Variants in STPG2 observed in about 807,000 individuals in gnomAD.
STPG2 encodes sperm tail PG-rich repeat containing 2.
In STPG2, 56 loss-of-function variants were observed where a neutral mutation model predicts 54.2. That is an observed-to-expected ratio of 1.03 (90% confidence interval 0.83 to 1.29). The LOEUF (loss-of-function observed/expected upper bound fraction) is 1.29. STPG2 is among the 50% of genes most tolerant of loss of function. STPG2 has a pLI of 0.00. For missense variants in STPG2, 596 were observed against 544.9 expected, an observed-to-expected ratio of 1.09 and a Z score of -0.93; for synonymous variants, 200 against 181.8, an observed-to-expected ratio of 1.10 and a Z score of -0.81.
intron 8 of STPG2, among the ~76,000 whole-genome samples, chr4:97,856,563 G>C (rs1729344707): frequency 6.6e-6 from 1 of 152,190 alleles, no homozygotes; most frequent in African/African-American, 2.4e-5. Flanking sequence ...CTTTTGGTCT[G>C]AGACAGTGAG....
intron 4 of STPG2, among the ~76,000 whole-genome samples, chr4:97,543,558 C>A (rs57276078): frequency 0.11 from 16,201 of 152,048 alleles, 2,570 homozygotes; most frequent in African/African-American, 0.35. Context: ...AAACAAGCTT[C>A]TATTTTGCCA....
Position 97,903,942 on chromosome 4 carries a change from G to C in STPG2, c.1044+39955C>G, listed in dbSNP as rs183461827. Among the ~76,000 whole-genome samples the C allele has an allele frequency of 1.4e-3, 213 of 152,334 alleles. 2 individuals are homozygous for C. The highest frequency in any genetic ancestry group is 2.6e-3 in the Admixed American group (40 of 15,308). On this transcript the variant is annotated intron_variant, in intron 8 of 10. Coordinates refer to ENST00000295268, the MANE Select transcript of STPG2 (RefSeq NM_174952.3). ...GATTATATTCCGCACCTGGCTCAGA[G>C]AGTCCTACGCCCACAGAGTCTCGCT...
At position 97,483,424 on chromosome 4, in the gene STPG2, T is replaced by C. The variant is rs538003917; in HGVS notation, c.462+229275A>G. Among the ~76,000 whole-genome samples, 15 of 151,922 alleles carry C rather than the reference T, an allele frequency of 9.9e-5. No individual in the cohort carries two copies. The South Asian group carries it at 1.9e-3, about 19-fold the overall frequency. ...CACTGAAAGCCAGCAAGGGTAGCTA[T>C]TCTTATGTAAGAGAAAACAAACTTT... On this transcript the variant is annotated intron_variant, in intron 4 of 4. Coordinates refer to the STPG2 transcript ENST00000522676.
At chr4:97,666,722 G>T (rs190154135) in intron 10 of STPG2, among the ~76,000 whole-genome samples, 1 of 152,030 alleles carries the variant, frequency 6.6e-6, no homozygotes, top group East Asian at 1.9e-4. Flanking sequence ...TTGTGAACTC[G>T]GTAAATTATT....
chr4:97,460,425 CTT>C (rs370528511), intron 4 of STPG2, among the ~76,000 whole-genome samples: 1 of 147,834 alleles, frequency 6.8e-6, no homozygotes, highest in Non-Finnish European at 1.5e-5. Context: ...AATTATTTTT[CTT>C]TTTTTTTTAT....
chr4:97,923,310 C>G (rs992607955), intron 8 of STPG2, among the ~76,000 whole-genome samples: 29 of 148,366 alleles, frequency 2.0e-4, no homozygotes, highest in African/African-American at 6.2e-4. Flanking sequence ...CCACCCCCCC[C>G]GCCATGGGCT....
intron 8 of STPG2, among the ~76,000 whole-genome samples, chr4:97,877,248 T>C (rs921265167): frequency 6.6e-6 from 1 of 152,168 alleles, no homozygotes; most frequent in Non-Finnish European, 1.5e-5. Flanking sequence ...TAGCTTCTGG[T>C]AACCACCTCT....
intron 4 of STPG2, among the ~76,000 whole-genome samples, chr4:97,530,831 G>T (rs529825183): frequency 1.3e-5 from 2 of 152,248 alleles, no homozygotes; most frequent in South Asian, 4.1e-4. Flanking sequence ...GTGCACTTTG[G>T]GGAGGGAGAG....
intron 10 of STPG2, among the ~76,000 whole-genome samples, chr4:97,583,398 G>A (rs1732908682): frequency 6.6e-6 from 1 of 151,946 alleles, no homozygotes; most frequent in Admixed American, 6.6e-5. Context: ...GCCATTAACA[G>A]AAATTGAATT....
At chr4:97,914,763 C>A (rs540292923) in intron 8 of STPG2, among the ~76,000 whole-genome samples, 2 of 152,266 alleles carry the variant, frequency 1.3e-5, no homozygotes, top group East Asian at 3.9e-4. Flanking sequence ...CTGAAATGCT[C>A]CAATGAGCAT....
intron 10 of STPG2, among the ~76,000 whole-genome samples, chr4:97,640,434 T>C (rs1030580676): frequency 6.6e-6 from 1 of 151,930 alleles, no homozygotes; most frequent in Non-Finnish European, 1.5e-5. Flanking sequence ...AAAGTGAACA[T>C]TCTCTACAAT....
intron 5 of STPG2, among the ~76,000 whole-genome samples, chr4:98,006,094 G>C (rs1291454333): frequency 6.6e-6 from 1 of 152,136 alleles, no homozygotes; most frequent in Non-Finnish European, 1.5e-5. Flanking sequence ...TCTCCAGCAT[G>C]CTTCACCCAC....
chr4:98,050,053 CA>C (rs1269774118), intron 5 of STPG2, among the ~76,000 whole-genome samples: 2 of 152,044 alleles, frequency 1.3e-5, no homozygotes, highest in Non-Finnish European at 2.9e-5. Context: ...AGAGAGGAAG[CA>C]TATGTATTTT....
intron 5 of STPG2, among the ~76,000 whole-genome samples, chr4:98,038,339 A>G (rs989071004): frequency 6.6e-6 from 1 of 152,144 alleles, no homozygotes; most frequent in African/African-American, 2.4e-5. Context: ...TAAAGTTAAA[A>G]ATAGTGTGGT....
chr4:97,959,235 A>G (rs990657574), intron 7 of STPG2, among the ~76,000 whole-genome samples: 4 of 152,094 alleles, frequency 2.6e-5, no homozygotes, highest in African/African-American at 9.7e-5. Flanking sequence ...CTAAGAGGAA[A>G]GTTCATAGCC....
At chr4:97,627,657 A>G (rs1221984789) in intron 10 of STPG2, among the ~76,000 whole-genome samples, 1 of 152,146 alleles carries the variant, frequency 6.6e-6, no homozygotes, top group African/African-American at 2.4e-5. Flanking sequence ...TTCATTTTCT[A>G]TAGTAAAATG....
chr4:98,010,684 T>G (rs1735717445), intron 5 of STPG2, among the ~76,000 whole-genome samples: 2 of 152,202 alleles, frequency 1.3e-5, no homozygotes, highest in Non-Finnish European at 2.9e-5. Context: ...GCTGATTTTT[T>G]TCTGGTTGTT....
intron 4 of STPG2, among the ~76,000 whole-genome samples, chr4:97,470,836 T>C (rs567341491): frequency 1.3e-5 from 2 of 152,130 alleles, no homozygotes; most frequent in East Asian, 1.9e-4. Context: ...CTGAATGACA[T>C]AGGCATTGTG....
chr4:97,627,562 A>G (rs1734166089), intron 10 of STPG2, among the ~76,000 whole-genome samples: 1 of 152,118 alleles, frequency 6.6e-6, no homozygotes, highest in Non-Finnish European at 1.5e-5. Flanking sequence ...AATGTAGAGT[A>G]TCTTGAATAG....
Sources: gnomAD v4.1 joint callset for allele counts (sites outside exome capture counted in the v4.1 genomes callset) on GRCh38, gnomAD v4.1.1 for gene constraint, MANE v1.5 for transcripts, NCBI Gene and HGNC (gene_info 2026-07-23, HGNC 2026-07-21) for gene names.